The following ALG12 variants were observed in gnomAD, a reference collection of about 807,000 sequenced individuals.
The protein encoded by ALG12 is dol-P-Man:Man(7)GlcNAc(2)-PP-Dol alpha-1,6-mannosyltransferase.
Under a neutral mutation model 46.0 loss-of-function variants are expected in ALG12, and 36 were observed. That is an observed-to-expected ratio of 0.78 (90% CI 0.60 to 1.03). ALG12 has a LOEUF of 1.03. Among genes scored for constraint, ALG12 ranks in the 50% least tolerant of loss-of-function variants. The pLI is 0.00. For synonymous variants in ALG12, 326 were observed against 291.6 expected, an observed-to-expected ratio of 1.12 and a Z score of -1.20; for missense variants, 599 against 633.5, an observed-to-expected ratio of 0.95 and a Z score of 0.58.
At chr22:49,898,897 C>T (rs9616779), downstream of ALG12, among the ~76,000 whole-genome samples, 12,046 of 151,974 alleles carry the variant, frequency 0.079, 595 homozygotes, top group South Asian at 0.12. Context: ...GAACTACAGG[C>T]GTGCACCACT....
In ALG12 at chr22:49,903,243, C is replaced by T. The variant is rs755377732; in HGVS notation, c.*595G>A. On this transcript the variant is annotated 3_prime_UTR_variant, in exon 10 of 10. Transcript: ENST00000330817. ...GAGAGGTTCCAATCAACATTTATTG[C>T]CTTATTCTTTTTATCTCATTCCTTT... The T allele has an allele frequency of 6.9e-6, 3 of 434,018 alleles. No homozygotes were observed. The highest frequency in any genetic ancestry group is 3.3e-5 in the South Asian group (2 of 60,284). The allele number at this position is 434,018 out of a possible 1,614,324, so 26.9% of individuals were successfully genotyped here. A position where few individuals can be genotyped will look rare whatever the true frequency, so the allele number is the denominator to read the frequency against.
the ALG12 span, among the ~76,000 whole-genome samples, chr22:49,880,355 A>G: frequency 3.3e-5 from 5 of 152,288 alleles, no homozygotes; most frequent in African/African-American, 4.8e-5. Context: ...TATTCAGCCA[A>G]AGACACGAGG....
chr22:49,867,210 A>G, the ALG12 span, among the ~76,000 whole-genome samples: 2 of 152,144 alleles, frequency 1.3e-5, no homozygotes, highest in African/African-American at 2.4e-5. Context: ...CTTATTTCCC[A>G]GATTTCTTTC....
intron 1 of ALG12, among the ~76,000 whole-genome samples, chr22:49,915,362 T>A (rs574263431): frequency 5.3e-5 from 8 of 151,698 alleles, no homozygotes; most frequent in Admixed American, 5.3e-4. Context: ...ATCAAGACCA[T>A]CCTGGCCAAC....
chr22:49,907,770 A>T lies in ALG12; in HGVS notation c.943T>A (p.Tyr315Asn), dbSNP rs1311286660. 6.2e-7 allele frequency: 1 copy of T among 1,614,040 alleles called. No homozygotes were observed. The highest frequency in any genetic ancestry group is 1.3e-5 in the African/African-American group (1 of 74,934). The change falls in exon 7 of 10, where the codon TAT becomes AAT. Residue 315 changes from tyrosine to asparagine, a missense_variant. Tyr to Asn is a moderately radical substitution (Grantham distance 143). Transcript: ENST00000330817. ...GTGATGTTGAGCATGGGGAAGGCAT[A>T]GATGATGAAGCGTAGCTCCTTGTGT... is the stretch of plus-strand genomic sequence containing the variant. ...LPHKELRFII[Y>N]AFPMLNITAA...
the ALG12 span, among the ~76,000 whole-genome samples, chr22:49,875,299 G>A: frequency 6.6e-6 from 1 of 151,610 alleles, no homozygotes; most frequent in African/African-American, 2.4e-5. Flanking sequence ...TCTGTGGGAA[G>A]GTTTTTCAAC....
the ALG12 span, among the ~76,000 whole-genome samples, chr22:49,863,803 A>G: frequency 6.6e-6 from 1 of 152,170 alleles, no homozygotes; most frequent in Non-Finnish European, 1.5e-5. Context: ...ATGATGAATC[A>G]TTTTCCTATC....
the ALG12 span, among the ~76,000 whole-genome samples, chr22:49,891,636 A>G: frequency 6.6e-6 from 1 of 152,120 alleles, no homozygotes; most frequent in Non-Finnish European, 1.5e-5. Flanking sequence ...TTCACTATAG[A>G]TTTGATGCTT....
At chr22:49,897,293 T>A (rs2060487210), downstream of ALG12, among the ~76,000 whole-genome samples, 3 of 152,236 alleles carry the variant, frequency 2.0e-5, no homozygotes, top group South Asian at 6.2e-4. Flanking sequence ...AATATCCTTG[T>A]ACGAGCTTTT....
intron 4 of ALG12, 77 bp from the exon 5 acceptor site, chr22:49,910,165 G>C: frequency 3.0e-4 from 416 of 1,379,070 alleles, no homozygotes; most frequent in Middle Eastern, 4.6e-4. Flanking sequence ...GAAGTGAAGG[G>C]TGATTCCTTT....
At chr22:49,871,757 ATT>A in the ALG12 span, among the ~76,000 whole-genome samples, 1,004 of 62,166 alleles carry the variant, frequency 0.016, 15 homozygotes, top group African/African-American at 0.029. Flanking sequence ...TTATTTATTT[ATT>A]TTTTTTTTTT....
intron 5 of ALG12, 117 bp from the exon 6 acceptor site, chr22:49,909,464 G>C: frequency 9.2e-7 from 1 of 1,083,858 alleles, no homozygotes; most frequent in Admixed American, 2.0e-5. Context: ...AAAGAGGTTG[G>C]GCAGGGTGGG....
chr22:49,913,687 T>C lies in ALG12; in HGVS notation c.79A>G (p.Ile27Val). 1 of 1,614,000 alleles carries C rather than the reference T, an allele frequency of 6.2e-7. No individual in the cohort carries two copies. The highest frequency in any genetic ancestry group is 8.5e-7 in the Non-Finnish European group (1 of 1,180,004). ...TCCTCCACTTTGGTGTAGGGACAGA[T>C]GACCAGGTGGACAGTGGCTACGGCC... ...LVAVATVHLV[I>V]CPYTKVEESF... is the part of the protein sequence containing the mutation. The change falls in exon 2 of 10, where the codon ATC becomes GTC. Residue 27 changes from isoleucine to valine, a missense_variant. Transcript: ENST00000330817.
downstream of ALG12, among the ~76,000 whole-genome samples, chr22:49,899,993 T>C (rs2060497347): frequency 6.6e-6 from 1 of 152,058 alleles, no homozygotes; most frequent in African/African-American, 2.4e-5. Context: ...ACCCCATCTC[T>C]TCAAGAAAAA....
chr22:49,917,705 C>CTTTTTTTTTT (rs111244256), intron 1 of ALG12, among the ~76,000 whole-genome samples: 22,374 of 141,724 alleles, frequency 0.16, 1,782 homozygotes, highest in South Asian at 0.26. Context: ...TCAGATGTTA[C>CTTTTTTTTTT]TTTTTTTTTT....
chr22:49,910,075 G>A lies in ALG12; in HGVS notation c.483C>T (p.Leu161=), dbSNP rs760950125. The change falls in exon 5 of 10, where the codon CTC becomes CTT. Residue 161 remains leucine (L), a synonymous_variant. Transcript: ENST00000330817. ...CCCACTCGTGCCGCAGCCAGGCCGC[G>A]AGGGCCAGCAGGACTGCAAGACAGT... The part of the protein sequence containing the change: ...VLALPVVLLA[L]AAWLRHEWAR... 1.1e-5 allele frequency: 17 copies of A among 1,608,932 alleles called. No homozygotes were observed. Among genetic ancestry groups the A allele is most frequent in the African/African-American group, 4.0e-5 (3 of 74,862 alleles).
At chr22:49,870,543 G>T in the ALG12 span, among the ~76,000 whole-genome samples, 3 of 151,972 alleles carry the variant, frequency 2.0e-5, no homozygotes, top group Admixed American at 2.0e-4. Flanking sequence ...ATGGTATCTC[G>T]TTGTGGTTTT....
At chr22:49,890,652 C>T in the ALG12 span, among the ~76,000 whole-genome samples, 1 of 152,182 alleles carries the variant, frequency 6.6e-6, no homozygotes, top group Non-Finnish European at 1.5e-5. Context: ...TGGAGAAAGA[C>T]ACTGATGAGG....
the ALG12 span, among the ~76,000 whole-genome samples, chr22:49,880,212 C>A: frequency 6.6e-6 from 1 of 152,096 alleles, no homozygotes; most frequent in African/African-American, 2.4e-5. Context: ...TCAGTCCGGA[C>A]CCTTCTGACC....
Sources: gnomAD v4.1 joint callset for allele counts (sites outside exome capture counted in the v4.1 genomes callset) on GRCh38, gnomAD v4.1.1 for gene constraint, MANE v1.5 for transcripts, NCBI Gene and HGNC (gene_info 2026-07-23, HGNC 2026-07-21) for gene names.